GHSR: variants seen among roughly 807,000 people sequenced by gnomAD.
GHSR encodes the protein growth hormone secretagogue receptor type 1.
GHSR carries 17 observed loss-of-function variants against 24.0 expected under a neutral mutation model. The ratio of observed to expected loss-of-function variants is 0.71; its 90% CI spans 0.49 to 1.06. GHSR has a LOEUF of 1.06. Among genes scored for constraint, GHSR ranks in the 50% least tolerant of loss-of-function variants. The probability of loss-of-function intolerance (pLI) is 0.00; values close to 1 mark genes in which losing one functional copy is unlikely to be tolerated. For missense variants in GHSR, 504 were observed against 483.1 expected (o/e 1.04, Z -0.41); for synonymous variants, 238 against 208.1 (o/e 1.14, Z -1.24).
Position 172,443,567 on chromosome 3 carries a change from A to G in GHSR, c.*1594T>C, listed in dbSNP as rs1737389510. ...TCCATTCCATAGTTGTGAACCAATA[A>G]CTTCATGAAGGAACTGCTTATATGA... On this transcript the variant is annotated 3_prime_UTR_variant, in exon 2 of 2. Coordinates refer to ENST00000241256, the MANE Select transcript of GHSR (RefSeq NM_198407.2). 6.6e-6 allele frequency among the ~76,000 whole-genome samples: 1 copy of G among 152,198 alleles called. No homozygotes were observed. The highest frequency in any genetic ancestry group is 2.4e-5 in the African/African-American group (1 of 41,452).
At position 172,445,163 on chromosome 3, in the gene GHSR, AT is replaced by A; in HGVS notation, c.1098del (p.Ter367AspfsTer14). On this transcript the variant is annotated frameshift_variant, in exon 2 of 2. Coordinates refer to ENST00000241256, the MANE Select transcript of GHSR (RefSeq NM_198407.2). LOFTEE classifies it high-confidence loss of function. Reference sequence around the variant, plus strand: ...GACTGTACTCGCAATGTGCTAGGTCATGTATTAATACTAGATTCTGTCCAGG... The same window carrying A: ...GACTGTACTCGCAATGTGCTAGGTCAGTATTAATACTAGATTCTGTCCAGG... ...SRAWTESSIN[T>X] 4 of 1,614,116 alleles carry A rather than the reference AT, an allele frequency of 2.5e-6. No homozygotes were observed. The highest frequency in any genetic ancestry group is 3.4e-6 in the Non-Finnish European group (4 of 1,179,992).
Position 172,447,712 on chromosome 3 carries a change from G to A in GHSR, c.702C>T (p.Leu234=), listed in dbSNP as rs375698769. 2.4e-5 allele frequency: 38 copies of A among 1,614,028 alleles called. No individual in the cohort carries two copies. In the African/African-American group the frequency reaches 4.4e-4, roughly 19 times the overall value. Residue 234 remains leucine (L), a synonymous_variant, in exon 1 of 2, where the codon CTC becomes CTT. Coordinates refer to ENST00000241256, the MANE Select transcript of GHSR (RefSeq NM_198407.2). Reference sequence around the variant, plus strand: ...TCCTCCGCCACAGCTTCCTGCCGATGAGACTGTAGAGGACCGTGAGACAGA... The same window carrying A: ...TCCTCCGCCACAGCTTCCTGCCGATAAGACTGTAGAGGACCGTGAGACAGA... ...PVFCLTVLYS[L]IGRKLWRRRR...
Position 172,447,901 on chromosome 3 carries a change from GGC to G in GHSR, c.511_512del (p.Ala171LeufsTer120). The G allele has an allele frequency of 6.2e-7, 1 of 1,612,958 alleles. No individual in the cohort carries two copies. The highest frequency in any genetic ancestry group is 8.5e-7 in the Non-Finnish European group (1 of 1,179,008). On this transcript the variant is annotated frameshift_variant, in exon 1 of 2. Transcript: ENST00000241256. LOFTEE classifies it high-confidence loss of function. ...CGAAGATGGGCCCGGCGCTGCAGAA[GGC>G]CACGGCCCAGATGACGAAGATGACC... The part of the protein sequence containing the change: ...KLVIFVIWAV[A>X]FCSAGPIFVL...
At chr3:172,447,588 G>A (rs757681051) in intron 1 of GHSR, 30 bp downstream of exon 1, 2 of 1,612,734 alleles carry the variant, frequency 1.2e-6, no homozygotes, top group East Asian at 2.2e-5. Flanking sequence ...GGACCCGCGA[G>A]AGAAAGCCTG....
At chr3:172,446,617 A>G (rs1737468463) in intron 1 of GHSR, among the ~76,000 whole-genome samples, 1 of 152,222 alleles carries the variant, frequency 6.6e-6, no homozygotes. Flanking sequence ...AAATATACAG[A>G]CCTTGGTTTT....
Position 172,445,056 on chromosome 3 carries a change from G to A in GHSR, c.*105C>T. On this transcript the variant is annotated 3_prime_UTR_variant, in exon 2 of 2. Transcript: ENST00000241256. The stretch of plus-strand genomic sequence containing the variant: ...CCCTCCCAGATGTTTCTGGATCTAT[G>A]TGTTCCTAATTCCAAAATTAACCTT... 1.6e-6 allele frequency: 2 copies of A among 1,240,804 alleles called. No individual in the cohort carries two copies. The highest frequency in any genetic ancestry group is 2.3e-5 in the East Asian group (1 of 43,024). The allele number at this position is 1,240,804 out of a possible 1,614,324, so 76.9% of individuals were successfully genotyped here. A position where few individuals can be genotyped will look rare whatever the true frequency, so the allele number is the denominator to read the frequency against.
In GHSR at chr3:172,447,978, A is replaced by C; in HGVS notation, c.436T>G (p.Cys146Gly). The change falls in exon 1 of 2, where the codon TGC (cysteine) becomes GGC (glycine). Residue 146 changes from cysteine (C) to glycine (G), a missense_variant. Cys to Gly is a radical substitution (Grantham distance 159). Coordinates refer to ENST00000241256, the MANE Select transcript of GHSR (RefSeq NM_198407.2). ...ACCACCTTGGCCCGGAGTGGGAAGC[A>C]GATGGCGAAGTAGCGCTCGACGCTC... The part of the protein sequence containing the change: ...ALSVERYFAI[C>G]FPLRAKVVVT... The C allele has an allele frequency of 6.2e-7, 1 of 1,614,202 alleles. No homozygotes were observed. Among genetic ancestry groups the C allele is most frequent in the South Asian group, 1.1e-5 (1 of 91,086 alleles).
At position 172,445,474 on chromosome 3, in the gene GHSR, A is replaced by T; in HGVS notation, c.797-9T>A. The T allele has an allele frequency of 6.2e-7, 1 of 1,609,480 alleles. No homozygotes were observed. Among genetic ancestry groups the T allele is most frequent in the Non-Finnish European group, 8.5e-7 (1 of 1,178,192 alleles). ...GGCAAACACCACTACAGCTAAAAGG[A>T]CAATGGGAGAGAGATAGTCAGCTCA... is the stretch of plus-strand genomic sequence containing the variant. On this transcript the variant is annotated splice_polypyrimidine_tract_variant and intron_variant, in intron 1 of 1. Transcript: ENST00000241256.
In GHSR at chr3:172,448,198, G is replaced by T. The variant is rs1737530040; in HGVS notation, c.216C>A (p.Arg72=). 1 of 1,614,032 alleles carries T rather than the reference G, an allele frequency of 6.2e-7. No individual in the cohort carries two copies. The highest frequency in any genetic ancestry group is 8.5e-7 in the Non-Finnish European group (1 of 1,180,040). ...LLTMLVVSRF[R]ELRTTTNLYL... is the part of the protein sequence containing the mutation. ...AGAGGTTGGTGGTGGTGCGCAGCTC[G>T]CGGAAGCGCGACACCACCAGCATGG... Residue 72 remains arginine (R), a synonymous_variant, in exon 1 of 2, where the codon CGC becomes CGA. Transcript: ENST00000241256. This position sits in a 1 kb window ranked among gnomAD's most constrained non-coding sequence, Gnocchi z 4.8.
In GHSR at chr3:172,445,134, C is replaced by T. The variant is rs777597736; in HGVS notation, c.*27G>A. On this transcript the variant is annotated 3_prime_UTR_variant, in exon 2 of 2. Transcript: ENST00000241256. The stretch of plus-strand genomic sequence containing the variant: ...ATGTCTTCCGGTTTAGAGTAATAAG[C>T]GGTGACTGTACTCGCAATGTGCTAG... 19 of 1,612,370 alleles carry T rather than the reference C, an allele frequency of 1.2e-5. No homozygotes were observed. The highest frequency in any genetic ancestry group is 1.6e-5 in the Non-Finnish European group (19 of 1,178,586).
rs1021425216 is a variant in GHSR, at chr3:172,447,583, CG to C, written c.796+34del. 3 of 1,611,922 alleles carry C rather than the reference CG, an allele frequency of 1.9e-6. No individual in the cohort carries two copies. The African/African-American group carries it at 4.0e-5, about 22-fold the overall frequency. On this transcript the variant is annotated intron_variant, in intron 1 of 1. Coordinates refer to ENST00000241256, the MANE Select transcript of GHSR (RefSeq NM_198407.2). ...GAAGGCACAGGGAGAGGATAGGACC[CG>C]CGAGAGAAAGCCTGAGCGCGCGCTG...
rs1324973390 is a variant in GHSR at position 172,444,311 on chromosome 3, A to G, written c.*850T>C. Among the ~76,000 whole-genome samples, 3 of 152,194 alleles carry G rather than the reference A, an allele frequency of 2.0e-5. No homozygotes were observed. Among genetic ancestry groups the G allele is most frequent in the Non-Finnish European group, 4.4e-5 (3 of 68,000 alleles). On this transcript the variant is annotated 3_prime_UTR_variant, in exon 2 of 2. Coordinates refer to ENST00000241256, the MANE Select transcript of GHSR (RefSeq NM_198407.2). ...CAGTATTTATTTTTAAACATTTCAT[A>G]TAAGGTGAATGATAAGTTTTGTATA...
rs1321371517 is a variant in GHSR, at chr3:172,444,325, A to C, written c.*836T>G. Among the ~76,000 whole-genome samples, 3 of 152,166 alleles carry C rather than the reference A, an allele frequency of 2.0e-5. No individual in the cohort carries two copies. The highest frequency in any genetic ancestry group is 6.5e-5 in the Admixed American group (1 of 15,284). The stretch of plus-strand genomic sequence containing the variant: ...AAACATTTCATATAAGGTGAATGAT[A>C]AGTTTTGTATATACTCTAGAGCTGT... On this transcript the variant is annotated 3_prime_UTR_variant, in exon 2 of 2. Coordinates refer to ENST00000241256, the MANE Select transcript of GHSR (RefSeq NM_198407.2).
chr3:172,447,445 A>C (rs1737489735), intron 1 of GHSR, 173 bp downstream of exon 1: 7 of 1,390,212 alleles, frequency 5.0e-6, no homozygotes, highest in Non-Finnish European at 6.7e-6. Context: ...TCACTCAAGA[A>C]AGCAAGAGGA....
Position 172,443,637 on chromosome 3 carries a change from A to G in GHSR, c.*1524T>C, listed in dbSNP as rs1158929910. 1.3e-5 allele frequency among the ~76,000 whole-genome samples: 2 copies of G among 152,146 alleles called. No individual in the cohort carries two copies. The highest frequency in any genetic ancestry group is 3.8e-4 in the East Asian group (2 of 5,198). On this transcript the variant is annotated 3_prime_UTR_variant, in exon 2 of 2. Coordinates refer to ENST00000241256, the MANE Select transcript of GHSR (RefSeq NM_198407.2). ...ATGAAAAAGTTATTTTTGGGTTAAT[A>G]CCTTTAGTATGCAAAGAGTTGACTG...
rs1269586021 is a variant in GHSR at position 172,443,772 on chromosome 3, A to G, written c.*1389T>C. ...TAATTAGAATTAAGAGAGGGTCTGG[A>G]AGTCCAAGTAATCATATCTATCAGA... On this transcript the variant is annotated 3_prime_UTR_variant, in exon 2 of 2. Coordinates refer to ENST00000241256, the MANE Select transcript of GHSR (RefSeq NM_198407.2). 2.6e-5 allele frequency among the ~76,000 whole-genome samples: 4 copies of G among 152,220 alleles called. No individual in the cohort carries two copies. Among genetic ancestry groups the G allele is most frequent in the Non-Finnish European group, 4.4e-5 (3 of 68,014 alleles).
rs771233160 is a variant in GHSR at position 172,448,356 on chromosome 3, C to A, written c.58G>T (p.Asp20Tyr). Residue 20 changes from aspartate (D) to tyrosine (Y), a missense_variant, in exon 1 of 2, where the codon GAC becomes TAC. Physicochemically the swap from Asp to Tyr is radical, Grantham distance 160. Coordinates refer to ENST00000241256, the MANE Select transcript of GHSR (RefSeq NM_198407.2). This position sits in a 1 kb window ranked among gnomAD's most constrained non-coding sequence, Gnocchi z 4.8. ...TCGTTGCCGGGGGAAGCATCCCAGT[C>A]CAGGTCGGCCAGTGTGAGGTTGAAC... ...PGFNLTLADL[D>Y]WDASPGNDSL... 6.2e-6 allele frequency: 10 copies of A among 1,601,324 alleles called. No individual in the cohort carries two copies. The South Asian group carries it at 1.1e-4, about 18-fold the overall frequency.
chr3:172,445,858 C>T (rs1401741674), intron 1 of GHSR, among the ~76,000 whole-genome samples: 1 of 152,124 alleles, frequency 6.6e-6, no homozygotes, highest in African/African-American at 2.4e-5. Context: ...CTTTTTAAAA[C>T]AATGCAGATT....
At position 172,448,263 on chromosome 3, in the gene GHSR, C is replaced by A. The variant is rs200515071; in HGVS notation, c.151G>T (p.Val51Leu). 1.5e-5 allele frequency: 24 copies of A among 1,613,362 alleles called. No homozygotes were observed. Among genetic ancestry groups the A allele is most frequent in the Non-Finnish European group, 1.9e-5 (22 of 1,179,960 alleles). ...PLLAGVTATC[V>L]ALFVVGIAGN... ...GCGATGCCCACCACGAAGAGTGCCA[C>A]GCAGGTGGCTGTGACGCCCGCCAGC... The change falls in exon 1 of 2, where the codon GTG becomes TTG. Residue 51 changes from valine (V) to leucine (L), a missense_variant. Coordinates refer to ENST00000241256, the MANE Select transcript of GHSR (RefSeq NM_198407.2). This position sits in a 1 kb window ranked among gnomAD's most constrained non-coding sequence, Gnocchi z 4.8.
Sources: gnomAD v4.1 joint callset for allele counts (sites outside exome capture counted in the v4.1 genomes callset) on GRCh38, gnomAD v4.1.1 for gene constraint, Gnocchi (gnomAD v3.1) non-coding constraint, MANE v1.5 for transcripts, NCBI Gene and HGNC (gene_info 2026-07-23, HGNC 2026-07-21) for gene names.